The following ZIM2 variants were observed in gnomAD, a reference collection of about 807,000 sequenced individuals.
ZIM2 encodes zinc finger protein 656.
ZIM2 carries 14 observed loss-of-function variants against 38.6 expected under a neutral mutation model. The observed-to-expected ratio is 0.36, with a 90% confidence interval of 0.24 to 0.57. ZIM2 has a LOEUF of 0.57. Ranked by LOEUF, ZIM2 falls within the 20% of genes least tolerant of loss-of-function variation. The pLI, the probability that ZIM2 is intolerant of heterozygous loss-of-function variation, is 0.81. For missense variants in ZIM2, 680 were observed against 695.1 expected, an observed-to-expected ratio of 0.98 and a Z score of 0.24; for synonymous variants, 247 against 245.8, an observed-to-expected ratio of 1.00 and a Z score of -0.04.
At chr19:56,797,753 T>A (rs371770682) in intron 9 of ZIM2, among the ~76,000 whole-genome samples, 9 of 152,266 alleles carry the variant, frequency 5.9e-5, no homozygotes, top group African/African-American at 2.2e-4. Flanking sequence ...GGGACCACTT[T>A]TGGGGGATTG....
At chr19:56,793,098 T>C (rs2047025375) in intron 9 of ZIM2, 2 of 152,698 alleles carry the variant, frequency 1.3e-5, no homozygotes, top group Non-Finnish European at 2.9e-5. Flanking sequence ...GAATCTCCTC[T>C]GGCAGGGTGC....
chr19:56,815,985 AC>A, intron 9 of ZIM2: 2 of 1,584,900 alleles, frequency 1.3e-6, no homozygotes, highest in Non-Finnish European at 1.7e-6. Context: ...TCCCTCCAGC[AC>A]GAACTCTCTG....
Position 56,814,112 on chromosome 19 carries a change from C to T in ZIM2, c.490+3634G>A, listed in dbSNP as rs150561309. On this transcript the variant is annotated intron_variant, in intron 9 of 12. Transcript: ENST00000629319. This position sits in a 1 kb window ranked among gnomAD's most constrained non-coding sequence, Gnocchi z 5.8. ...TCATCAGCATCCCCATTTGGCTGCT[C>T]GGCCTCTCCATTTGGCTGTCCAGCC... The T allele has an allele frequency of 4.0e-4, 647 of 1,614,152 alleles. No individual in the cohort carries two copies. The highest frequency in any genetic ancestry group is 5.1e-4 in the Non-Finnish European group (605 of 1,180,034).
chr19:56,800,196 A>G (rs1188948614), intron 9 of ZIM2, among the ~76,000 whole-genome samples: 1 of 152,132 alleles, frequency 6.6e-6, no homozygotes. Flanking sequence ...TTGACCTCAC[A>G]ATAGAAAAAA....
chr19:56,829,404 T>C (rs1247186703), intron 2 of ZIM2, among the ~76,000 whole-genome samples: 1 of 150,772 alleles, frequency 6.6e-6, no homozygotes, highest in Non-Finnish European at 1.5e-5. Flanking sequence ...GTACAGCTAA[T>C]TTCTGGTTTG....
At chr19:56,811,206 G>A (rs1155461) in intron 9 of ZIM2, 1 of 969,556 alleles carries the variant, frequency 1.0e-6, no homozygotes, top group Admixed American at 6.2e-5. Context: ...CTACCATAAA[G>A]AACATTCAAG....
intron 9 of ZIM2, chr19:56,817,182 A>G (rs1289127250): frequency 6.2e-7 from 1 of 1,613,992 alleles, no homozygotes; most frequent in African/African-American, 1.3e-5. Flanking sequence ...TTCTCATCTC[A>G]CTACCACATT....
At chr19:56,795,251 A>C (rs1484835078) in intron 9 of ZIM2, among the ~76,000 whole-genome samples, 1 of 152,078 alleles carries the variant, frequency 6.6e-6, no homozygotes, top group East Asian at 1.9e-4. Context: ...CACCGATTTT[A>C]GGGCAGTCAG....
intron 10 of ZIM2, among the ~76,000 whole-genome samples, chr19:56,786,210 A>C (rs2046595108): frequency 6.6e-6 from 1 of 152,204 alleles, no homozygotes; most frequent in South Asian, 2.1e-4. Context: ...TGCTGTACAC[A>C]TAAGAAGAAT....
chr19:56,785,327 C>T (rs1025229147), intron 10 of ZIM2, among the ~76,000 whole-genome samples: 2 of 152,154 alleles, frequency 1.3e-5, no homozygotes, highest in African/African-American at 4.8e-5. Flanking sequence ...GAGGGCTACT[C>T]TCAGGAGCAG....
intron 10 of ZIM2, among the ~76,000 whole-genome samples, chr19:56,785,059 C>CA (rs370949536): frequency 0.037 from 5,395 of 146,460 alleles, 296 homozygotes; most frequent in African/African-American, 0.12. Flanking sequence ...CTGCCAATAC[C>CA]AAAAAAAAAA....
chr19:56,776,815 C>G (rs1222343244), intron 12 of ZIM2, among the ~76,000 whole-genome samples: 1 of 151,938 alleles, frequency 6.6e-6, no homozygotes, highest in Non-Finnish European at 1.5e-5. Flanking sequence ...CAGCATTTGG[C>G]GTCAGTAAAC....
chr19:56,838,187 T>C (rs1471179799), intron 1 of ZIM2, among the ~76,000 whole-genome samples: 1 of 152,132 alleles, frequency 6.6e-6, no homozygotes, highest in African/African-American at 2.4e-5. Context: ...CAGCAGTCAT[T>C]CAAACCAGTG....
intron 9 of ZIM2, chr19:56,813,403 C>G (rs569954278): frequency 8.0e-7 from 1 of 1,257,732 alleles, no homozygotes; most frequent in Non-Finnish European, 1.0e-6. Context: ...CTGGAATACT[C>G]ATAGGGTTTT....
At chr19:56,813,876 T>C (rs776853617) in intron 9 of ZIM2, 1 of 1,614,188 alleles carries the variant, frequency 6.2e-7, no homozygotes, top group Non-Finnish European at 8.5e-7. Context: ...TTTTCAGGTG[T>C]TCACTGAATG....
chr19:56,836,479 T>C (rs986599950), intron 1 of ZIM2, among the ~76,000 whole-genome samples: 2 of 152,214 alleles, frequency 1.3e-5, no homozygotes, highest in Non-Finnish European at 2.9e-5. Flanking sequence ...TAGTACCCTT[T>C]ATCACGTAAA....
chr19:56,775,946 A>G (rs1212392327), intron 12 of ZIM2, among the ~76,000 whole-genome samples: 2 of 151,884 alleles, frequency 1.3e-5, no homozygotes, highest in South Asian at 4.2e-4. Context: ...CTAAAAATAC[A>G]AAAAATTAAC....
chr19:56,820,569 C>T (rs1455377052), intron 7 of ZIM2, among the ~76,000 whole-genome samples: 1 of 152,194 alleles, frequency 6.6e-6, no homozygotes, highest in African/African-American at 2.4e-5. Flanking sequence ...GCTGAGCTCT[C>T]CCTAATGCCT....
intron 9 of ZIM2, among the ~76,000 whole-genome samples, chr19:56,796,594 C>T (rs1479128547): frequency 6.6e-6 from 1 of 152,150 alleles, no homozygotes; most frequent in Admixed American, 6.5e-5. Flanking sequence ...CCAAGCAAAG[C>T]TTACCCTCTG....
Sources: allele counts gnomAD v4.1 joint callset (sites outside exome capture counted in the v4.1 genomes callset), GRCh38; gene constraint gnomAD v4.1.1; non-coding constraint Gnocchi (gnomAD v3.1); transcripts MANE v1.5; gene names NCBI Gene and HGNC (gene_info 2026-07-23, HGNC 2026-07-21).